The following GPC6 variants were observed in gnomAD, a reference collection of about 807,000 sequenced individuals.
The protein encoded by GPC6 is glypican-6.
In GPC6, 14 loss-of-function variants were observed where a neutral mutation model predicts 55.2. That is an observed-to-expected ratio of 0.25 (90% CI 0.17 to 0.40). The LOEUF is 0.40. Among genes scored for constraint, GPC6 ranks in the 10% least tolerant of loss-of-function variants. GPC6 has a pLI of 1.00. For missense variants in GPC6, 641 were observed against 708.5 expected, an observed-to-expected ratio of 0.90 and a Z score of 1.08; for synonymous variants, 278 against 259.6, an observed-to-expected ratio of 1.07 and a Z score of -0.68.
intron 2 of GPC6, among the ~76,000 whole-genome samples, chr13:93,724,047 G>C (rs942481583): frequency 2.0e-5 from 3 of 151,862 alleles, no homozygotes. Context: ...ATTAAAAGAG[G>C]ATTTTTAATG....
chr13:93,772,630 T>C (rs981534809), intron 2 of GPC6, among the ~76,000 whole-genome samples: 2 of 152,086 alleles, frequency 1.3e-5, no homozygotes, highest in African/African-American at 4.8e-5. Flanking sequence ...AGTCCTATAA[T>C]TTTTTACGTG....
chr13:94,014,989 A>G (rs908498164), intron 3 of GPC6, among the ~76,000 whole-genome samples: 10 of 152,216 alleles, frequency 6.6e-5, no homozygotes, highest in African/African-American at 2.2e-4. Flanking sequence ...GAAGGATGCT[A>G]TAGACATTTG....
chr13:94,314,874 GC>G (rs375570623), intron 6 of GPC6, among the ~76,000 whole-genome samples: 34 of 152,216 alleles, frequency 2.2e-4, no homozygotes, highest in African/African-American at 7.5e-4. Context: ...TGGGAATTTG[GC>G]TATTCCCATA....
At chr13:94,078,871 A>C (rs1449302423) in intron 4 of GPC6, among the ~76,000 whole-genome samples, 1 of 151,964 alleles carries the variant, frequency 6.6e-6, no homozygotes, top group African/African-American at 2.4e-5. Context: ...TTGGAAGAGA[A>C]AGGAATCTTT....
At chr13:94,197,372 T>C (rs1025649561) in intron 4 of GPC6, among the ~76,000 whole-genome samples, 1 of 152,230 alleles carries the variant, frequency 6.6e-6, no homozygotes, top group African/African-American at 2.4e-5. Context: ...CTAGGGCTGC[T>C]ATAACAAAAT....
chr13:93,672,951 C>A (rs923967165), intron 2 of GPC6, among the ~76,000 whole-genome samples: 8 of 152,116 alleles, frequency 5.3e-5, no homozygotes, highest in African/African-American at 1.9e-4. Flanking sequence ...GAAATAAGTA[C>A]ATAGAAAAAT....
At chr13:93,836,637 T>A (rs1243588562) in intron 3 of GPC6, among the ~76,000 whole-genome samples, 6 of 152,234 alleles carry the variant, frequency 3.9e-5, no homozygotes, top group Non-Finnish European at 8.8e-5. Flanking sequence ...TTTCTATGCT[T>A]ACAACTTTTA....
chr13:94,224,390 C>A (rs1303443948), intron 4 of GPC6, among the ~76,000 whole-genome samples: 1 of 151,776 alleles, frequency 6.6e-6, no homozygotes, highest in African/African-American at 2.4e-5. Context: ...GGCCAAGACA[C>A]TTTTGTAACT....
chr13:94,128,566 G>T (rs1011055429), intron 4 of GPC6, among the ~76,000 whole-genome samples: 22 of 152,144 alleles, frequency 1.4e-4, no homozygotes, highest in Admixed American at 1.2e-3. Flanking sequence ...CATTCTGACT[G>T]CAGGAAAGAC....
intron 3 of GPC6, among the ~76,000 whole-genome samples, chr13:93,863,704 T>G (rs1888880805): frequency 6.6e-6 from 1 of 151,640 alleles, no homozygotes; most frequent in Non-Finnish European, 1.5e-5. Context: ...TGATGTAAAT[T>G]GTCCTCCCCC....
At chr13:93,886,906 T>C (rs1232154846) in intron 3 of GPC6, among the ~76,000 whole-genome samples, 1 of 152,174 alleles carries the variant, frequency 6.6e-6, no homozygotes, top group Non-Finnish European at 1.5e-5. Flanking sequence ...TTAATTTTTT[T>C]TGTTTTGTTT....
chr13:93,812,643 G>A (rs1029600417), intron 2 of GPC6, among the ~76,000 whole-genome samples: 6 of 152,156 alleles, frequency 3.9e-5, no homozygotes, highest in Non-Finnish European at 7.3e-5. Context: ...CCTGAGAAAA[G>A]TAGTGTTCAT....
At chr13:93,753,770 A>C (rs1314118039) in intron 2 of GPC6, among the ~76,000 whole-genome samples, 3 of 148,782 alleles carry the variant, frequency 2.0e-5, no homozygotes, top group Admixed American at 2.0e-4. Context: ...TCATCCTTTC[A>C]CTCTCTGTCT....
intron 1 of GPC6, among the ~76,000 whole-genome samples, chr13:93,344,619 C>T (rs572394241): frequency 4.6e-5 from 7 of 152,226 alleles, no homozygotes; most frequent in South Asian, 2.1e-4. Context: ...GTTCTGTTCC[C>T]GTGTCCTATT....
chr13:93,386,576 T>C (rs1875416932), intron 1 of GPC6, among the ~76,000 whole-genome samples: 1 of 152,208 alleles, frequency 6.6e-6, no homozygotes, highest in East Asian at 1.9e-4. Flanking sequence ...CTTTTCTCTT[T>C]AGCTTTATTT....
At chr13:93,577,132 C>A in intron 2 of GPC6, among the ~76,000 whole-genome samples, 1 of 152,050 alleles carries the variant, frequency 6.6e-6, no homozygotes, top group East Asian at 1.9e-4. Context: ...ACAACACTAC[C>A]AATAACTTAA....
intron 5 of GPC6, among the ~76,000 whole-genome samples, chr13:94,293,664 C>T (rs1875140841): frequency 6.6e-6 from 1 of 152,158 alleles, no homozygotes. Flanking sequence ...ATCCTCACAG[C>T]ACTCTTGTAA....
intron 6 of GPC6, among the ~76,000 whole-genome samples, chr13:94,324,228 T>C (rs1041697536): frequency 4.0e-5 from 6 of 150,748 alleles, no homozygotes; most frequent in Non-Finnish European, 7.4e-5. Context: ...AGGGGACCCA[T>C]GGCCTCTCCA....
At chr13:94,383,425 A>G (rs1168295555) in intron 7 of GPC6, among the ~76,000 whole-genome samples, 1 of 152,176 alleles carries the variant, frequency 6.6e-6, no homozygotes, top group Non-Finnish European at 1.5e-5. Context: ...GCTGTGATCA[A>G]AAGGAAACAA....
Sources: allele counts gnomAD v4.1 joint callset (sites outside exome capture counted in the v4.1 genomes callset), GRCh38; gene constraint gnomAD v4.1.1; transcripts MANE v1.5; gene names NCBI Gene and HGNC (gene_info 2026-07-23, HGNC 2026-07-21).